Variants in ELP1 observed in about 807,000 individuals in gnomAD.
ELP1 encodes the protein elongator complex protein 1.
ELP1 carries 131 observed loss-of-function variants against 183.2 expected under a neutral mutation model. The observed-to-expected ratio is 0.72, with a 90% confidence interval of 0.62 to 0.83. The LOEUF is 0.83. Ranked by LOEUF, ELP1 falls within the 40% of genes least tolerant of loss-of-function variation. The probability of loss-of-function intolerance (pLI) is 0.00; values close to 1 mark genes in which losing one functional copy is unlikely to be tolerated. For missense variants in ELP1, 1,550 were observed against 1,594.9 expected (o/e 0.97, Z 0.48); for synonymous variants, 555 against 569.0 (o/e 0.98, Z 0.35).
rs146319455 is a variant in ELP1 at position 108,891,262 on chromosome 9, A to T, written c.3101T>A (p.Val1034Glu). ...TCGNWKQALC[V>E]AAQLNFTKDQ... Reference sequence around the variant, plus strand: ...TTTGGTAAAGTTAAGCTGGGCTGCCACACAGAGGGCTTGCTTCCAGTTGCC... The same window carrying T: ...TTTGGTAAAGTTAAGCTGGGCTGCCTCACAGAGGGCTTGCTTCCAGTTGCC... Residue 1034 changes from valine to glutamate, a missense_variant, in exon 28 of 37, where the codon GTG becomes GAG. By Grantham distance (121) the Val-to-Glu change is moderately radical (BLOSUM62 -2). Coordinates refer to ENST00000374647, the MANE Select transcript of ELP1 (RefSeq NM_003640.5). 1 of 1,614,228 alleles carries T rather than the reference A, an allele frequency of 6.2e-7. No homozygotes were observed.
chr9:108,926,671 G>A, intron 4 of ELP1, 68 bp from the exon 5 acceptor site: 1 of 1,122,222 alleles, frequency 8.9e-7, no homozygotes, highest in South Asian at 1.3e-5. Flanking sequence ...AAGTACCTAT[G>A]GCACTGTAAG....
intron 11 of ELP1, 87 bp from the exon 12 acceptor site, chr9:108,911,267 A>G: frequency 8.2e-7 from 1 of 1,223,820 alleles, no homozygotes; most frequent in South Asian, 1.3e-5. Flanking sequence ...ATATCTAAAC[A>G]ATAATGGCAA....
At chr9:108,926,968 G>A (rs966046296) in intron 4 of ELP1, among the ~76,000 whole-genome samples, 4 of 152,156 alleles carry the variant, frequency 2.6e-5, no homozygotes, top group Non-Finnish European at 2.9e-5. Flanking sequence ...GGGAAAAACA[G>A]CAACAGAACC....
intron 5 of ELP1, among the ~76,000 whole-genome samples, chr9:108,925,860 A>G (rs773537925): frequency 3.3e-5 from 5 of 152,120 alleles, no homozygotes; most frequent in Non-Finnish European, 7.4e-5. Context: ...CTCCAAAATT[A>G]TTTCTGAACA....
At chr9:108,932,798 T>C (rs1458026100) in intron 1 of ELP1, among the ~76,000 whole-genome samples, 1 of 152,180 alleles carries the variant, frequency 6.6e-6, no homozygotes, top group Non-Finnish European at 1.5e-5. Context: ...CCACAGGACC[T>C]AGGCCTATTA....
At chr9:108,903,442 T>C in intron 15 of ELP1, 121 bp downstream of exon 15, 1 of 750,162 alleles carries the variant, frequency 1.3e-6, no homozygotes, top group South Asian at 1.5e-5. Flanking sequence ...AGCTTAGGGT[T>C]TTCCAGGGTA....
chr9:108,915,744 C>T (rs1829407840), intron 10 of ELP1, among the ~76,000 whole-genome samples: 1 of 148,118 alleles, frequency 6.8e-6, no homozygotes, highest in Non-Finnish European at 1.5e-5. Context: ...CTACACAGGT[C>T]CATTTATATT....
intron 25 of ELP1, among the ~76,000 whole-genome samples, chr9:108,895,817 T>A (rs923081877): frequency 6.6e-6 from 1 of 152,210 alleles, no homozygotes; most frequent in Non-Finnish European, 1.5e-5. Context: ...AAGGAGGCCA[T>A]GAGCCTTCTG....
intron 6 of ELP1, among the ~76,000 whole-genome samples, chr9:108,920,280 A>ATTTTTT (rs34765805): frequency 7.6e-6 from 1 of 132,356 alleles, no homozygotes; most frequent in Admixed American, 7.8e-5. Flanking sequence ...CTCTCACCCA[A>ATTTTTT]TTTTTTTTTT....
At chr9:108,916,350 A>C in intron 9 of ELP1, 53 bp from the exon 10 acceptor site, 2 of 1,309,274 alleles carry the variant, frequency 1.5e-6, no homozygotes, top group Non-Finnish European at 2.2e-6. Flanking sequence ...TTTACTTCCA[A>C]ATCTTTATAA....
chr9:108,905,181 T>A (rs1020801139), intron 14 of ELP1, among the ~76,000 whole-genome samples: 1 of 152,240 alleles, frequency 6.6e-6, no homozygotes, highest in Non-Finnish European at 1.5e-5. Flanking sequence ...AATGACTGCA[T>A]TAAAATGTTT....
intron 14 of ELP1, among the ~76,000 whole-genome samples, chr9:108,905,018 T>C (rs954035527): frequency 2.0e-5 from 3 of 152,212 alleles, no homozygotes; most frequent in Non-Finnish European, 4.4e-5. Flanking sequence ...TCTGAAGAAG[T>C]AGAAACTTAG....
chr9:108,895,525 C>A (rs1245126153), intron 25 of ELP1, among the ~76,000 whole-genome samples: 1 of 152,062 alleles, frequency 6.6e-6, no homozygotes, highest in Non-Finnish European at 1.5e-5. Context: ...CATTGTCTTT[C>A]CTCCATGGGC....
chr9:108,871,374 AAAG>A (rs1421643609), intron 36 of ELP1, among the ~76,000 whole-genome samples: 1 of 152,196 alleles, frequency 6.6e-6, no homozygotes, highest in Non-Finnish European at 1.5e-5. Flanking sequence ...TCCAGTATCA[AAAG>A]AACTTTAAAA....
chr9:108,929,165 G>A (rs1490367637), intron 3 of ELP1, among the ~76,000 whole-genome samples: 1 of 152,230 alleles, frequency 6.6e-6, no homozygotes, highest in Non-Finnish European at 1.5e-5. Context: ...CACAACTAAT[G>A]AAGTAATGGA....
Position 108,931,107 on chromosome 9 carries a change from C to A in ELP1, c.40G>T (p.Asp14Tyr). The A allele has an allele frequency of 6.2e-7, 1 of 1,614,146 alleles. No individual in the cohort carries two copies. Among genetic ancestry groups the A allele is most frequent in the African/African-American group, 1.3e-5 (1 of 75,056 alleles). Reference sequence around the variant, plus strand: ...TGAGGATTCCCTGGACCTTGAATATCCCTGAACTCCAGGGTCCGAAATAAT... The same window carrying A: ...TGAGGATTCCCTGGACCTTGAATATACCTGAACTCCAGGGTCCGAAATAAT... ...LKLFRTLEFR[D>Y]IQGPGNPQCF... The change falls in exon 2 of 37, where the codon GAT becomes TAT. Residue 14 changes from aspartate to tyrosine, a missense_variant. Asp to Tyr is a radical substitution (Grantham distance 160). Coordinates refer to ENST00000374647, the MANE Select transcript of ELP1 (RefSeq NM_003640.5).
At chr9:108,906,231 T>C (rs1829012729) in intron 14 of ELP1, 72 bp downstream of exon 14, 2 of 1,460,414 alleles carry the variant, frequency 1.4e-6, no homozygotes, top group Non-Finnish European at 1.9e-6. Flanking sequence ...AGTCAAAAGT[T>C]GTATGCTCAT....
rs41278359 is a variant in ELP1 at position 108,911,140 on chromosome 9, C to T, written c.1230G>A (p.Pro410=). Residue 410 remains proline (P), a synonymous_variant, in exon 12 of 37, where the codon CCG becomes CCA. Coordinates refer to ENST00000374647, the MANE Select transcript of ELP1 (RefSeq NM_003640.5). The part of the protein sequence containing the change: ...LVTVFRQTVV[P]PPMCTYQLLF... ...GCAGTTGGTAGGTGCACATGGGAGGCGGAACCACAGTCTGCCGGAAGACTG... is the reference window on the plus strand; with the variant it reads ...GCAGTTGGTAGGTGCACATGGGAGGTGGAACCACAGTCTGCCGGAAGACTG... The T allele has an allele frequency of 7.3e-3, 11,857 of 1,614,018 alleles. 64 individuals are homozygous for T. The highest frequency in any genetic ancestry group is 7.7e-3 in the Non-Finnish European group (9,094 of 1,179,978).
intron 12 of ELP1, 62 bp downstream of exon 12, chr9:108,910,948 C>T: frequency 2.0e-6 from 3 of 1,509,952 alleles, no homozygotes; most frequent in Non-Finnish European, 2.8e-6. Flanking sequence ...CTATAATTTG[C>T]TTTTATGTAG....
Sources: allele counts gnomAD v4.1 joint callset (sites outside exome capture counted in the v4.1 genomes callset), GRCh38; gene constraint gnomAD v4.1.1; transcripts MANE v1.5; gene names NCBI Gene and HGNC (gene_info 2026-07-23, HGNC 2026-07-21).